MAGI3: variants seen among roughly 807,000 people sequenced by gnomAD.
MAGI3 encodes the protein membrane-associated guanylate kinase, WW and PDZ domain-containing protein 3.
MAGI3 carries 43 observed loss-of-function variants against 121.8 expected under a neutral mutation model. That is an observed-to-expected ratio of 0.35 (90% confidence interval 0.28 to 0.46). The LOEUF is 0.46. MAGI3 is among the 20% of genes least tolerant of loss of function. The pLI is 1.00. For synonymous variants in MAGI3, 553 were observed against 639.3 expected (o/e 0.86, Z 2.04); for missense variants, 1,547 against 1,797.3 (o/e 0.86, Z 2.52).
chr1:113,683,720 A>G lies in MAGI3; in HGVS notation c.4152A>G (p.Lys1384=), dbSNP rs754312299. ...TTSKEVSENE[K]GKKVTTGETS... is the part of the protein sequence containing the mutation. ...GTAAAGAAGTATCTGAAAATGAAAA[A>G]GGAAAGAAAGTAACCACAGGAGAAA... is the stretch of plus-strand genomic sequence containing the variant. The change falls in exon 21 of 21, where the codon AAA becomes AAG. Residue 1384 remains lysine, a synonymous_variant. Transcript: ENST00000307546. 5.0e-6 allele frequency: 8 copies of G among 1,597,820 alleles called. 1 individual carries two copies. In the East Asian group the frequency reaches 6.7e-5, roughly 13 times the overall value.
In MAGI3 at chr1:113,685,826, T is replaced by C. The variant is rs1648517908; in HGVS notation, c.*1812T>C. ...TGGATGTACTGGTTGTAAATGTTTATATATTGTACAGTACCTTTATATATA... is the reference window on the plus strand; with the variant it reads ...TGGATGTACTGGTTGTAAATGTTTACATATTGTACAGTACCTTTATATATA... On this transcript the variant is annotated 3_prime_UTR_variant, in exon 21 of 21. Transcript: ENST00000307546. 1 of 152,366 alleles carries C rather than the reference T, an allele frequency of 6.6e-6. No homozygotes were observed. 9.4% of individuals were successfully genotyped at this position (152,366 alleles called of 1,614,324 possible).
intron 1 of MAGI3, among the ~76,000 whole-genome samples, chr1:113,418,980 G>T (rs2101373964): frequency 6.6e-6 from 1 of 152,010 alleles, no homozygotes; most frequent in South Asian, 2.1e-4. Flanking sequence ...TTGTTTTCCT[G>T]GAAGAAATTA....
intron 15 of MAGI3, among the ~76,000 whole-genome samples, chr1:113,657,086 G>T (rs1454023964): frequency 6.6e-6 from 1 of 152,188 alleles, no homozygotes; most frequent in African/African-American, 2.4e-5. Context: ...TGTTTTAAGA[G>T]CACTAAAGTG....
intron 1 of MAGI3, among the ~76,000 whole-genome samples, chr1:113,439,166 A>G (rs1466101480): frequency 6.6e-6 from 1 of 152,224 alleles, no homozygotes; most frequent in Non-Finnish European, 1.5e-5. Context: ...CATGCCAGAC[A>G]AAGGGATAAT....
Position 113,594,576 on chromosome 1 carries a change from C to A in MAGI3, c.1018+16C>A, listed in dbSNP as rs760340200. 8 of 1,592,962 alleles carry A rather than the reference C, an allele frequency of 5.0e-6. No individual in the cohort carries two copies. The highest frequency in any genetic ancestry group is 1.3e-5 in the African/African-American group (1 of 74,112). ...GAAGATGGAGGTAGAGATTCAGAAACTTACTCTATCATACTTATTCTCTTA... is the reference window on the plus strand; with the variant it reads ...GAAGATGGAGGTAGAGATTCAGAAAATTACTCTATCATACTTATTCTCTTA... On this transcript the variant is annotated intron_variant, in intron 6 of 20. Coordinates refer to ENST00000307546, the MANE Select transcript of MAGI3 (RefSeq NM_001142782.2).
intron 2 of MAGI3, among the ~76,000 whole-genome samples, chr1:113,563,554 G>T (rs1660323868): frequency 6.6e-6 from 1 of 152,154 alleles, no homozygotes. Context: ...ACACCTGCAG[G>T]AGACTTCCTT....
chr1:113,673,301 CT>C lies in MAGI3; in HGVS notation c.3046-19del. 2 of 1,604,866 alleles carry C rather than the reference CT, an allele frequency of 1.2e-6. No individual in the cohort carries two copies. The highest frequency in any genetic ancestry group is 1.7e-6 in the Non-Finnish European group (2 of 1,178,036). On this transcript the variant is annotated intron_variant, in intron 18 of 20. Transcript: ENST00000307546. Reference sequence around the variant, plus strand: ...AAACAGTCCATGAGAACTTGCTTTTCTTATACTTCTTTCTCTCTAGAACCTT... The same window carrying C: ...AAACAGTCCATGAGAACTTGCTTTTCTATACTTCTTTCTCTCTAGAACCTT...
At chr1:113,679,855 G>A (rs554196861) in intron 19 of MAGI3, among the ~76,000 whole-genome samples, 30 of 152,008 alleles carry the variant, frequency 2.0e-4, no homozygotes, top group Non-Finnish European at 3.2e-4. Flanking sequence ...ACAGGCATGC[G>A]CCACCACACC....
chr1:113,539,805 T>C (rs78751471), intron 1 of MAGI3, among the ~76,000 whole-genome samples: 1 of 152,056 alleles, frequency 6.6e-6, no homozygotes, highest in African/African-American at 2.4e-5. Flanking sequence ...TTTTTTTTTT[T>C]TGAGATAGGA....
At chr1:113,525,178 A>G (rs1658394722) in intron 1 of MAGI3, among the ~76,000 whole-genome samples, 2 of 152,222 alleles carry the variant, frequency 1.3e-5, no homozygotes, top group East Asian at 1.9e-4. Flanking sequence ...TATCAGCAAC[A>G]TGAAAACGGA....
intron 9 of MAGI3, among the ~76,000 whole-genome samples, chr1:113,630,130 A>G (rs897035139): frequency 2.0e-5 from 3 of 152,036 alleles, no homozygotes; most frequent in African/African-American, 7.2e-5. Flanking sequence ...CTGGTATTCT[A>G]TTCTATTCTG....
Position 113,683,529 on chromosome 1 carries a change from G to T in MAGI3, c.3961G>T (p.Gly1321Cys). ...GAGTCGAAGAATAGCAGGCTATACG[G>T]GCAGTAATGCTGAGCAGATCCCAGA... ...GKSRRIAGYTGSNAEQIPDGK... is the reference protein window; with the variant it reads ...GKSRRIAGYTCSNAEQIPDGK... The change falls in exon 21 of 21, where the codon GGC (glycine) becomes TGC (cysteine). Residue 1321 changes from glycine to cysteine, a missense_variant. By Grantham distance (159) the Gly-to-Cys change is radical. Transcript: ENST00000307546. The T allele has an allele frequency of 6.2e-7, 1 of 1,613,918 alleles. No homozygotes were observed. The highest frequency in any genetic ancestry group is 8.5e-7 in the Non-Finnish European group (1 of 1,179,890).
At chr1:113,569,223 G>A (rs951206396) in intron 2 of MAGI3, among the ~76,000 whole-genome samples, 19 of 152,110 alleles carry the variant, frequency 1.2e-4, no homozygotes, top group Admixed American at 1.2e-3. Context: ...GAATATGGCA[G>A]TGTATATGAT....
At chr1:113,672,245 G>A (rs1647602853) in intron 17 of MAGI3, among the ~76,000 whole-genome samples, 1 of 152,190 alleles carries the variant, frequency 6.6e-6, no homozygotes, top group Admixed American at 6.5e-5. Context: ...GAAAATATTA[G>A]CCTAGATTTC....
Position 113,649,230 on chromosome 1 carries a change from T to C in MAGI3, c.2156-7T>C. 1 of 1,601,360 alleles carries C rather than the reference T, an allele frequency of 6.2e-7. No individual in the cohort carries two copies. The highest frequency in any genetic ancestry group is 8.5e-7 in the Non-Finnish European group (1 of 1,175,420). On this transcript the variant is annotated splice_polypyrimidine_tract_variant and splice_region_variant and intron_variant, in intron 12 of 20. Transcript: ENST00000307546. ...TCATAGTATTTATATTTTCTGATTT[T>C]CCTCAGCACCAAACACCAAAGATTT...
chr1:113,627,744 T>C (rs531582276), intron 9 of MAGI3, among the ~76,000 whole-genome samples: 7 of 151,884 alleles, frequency 4.6e-5, no homozygotes, highest in Non-Finnish European at 7.4e-5. Flanking sequence ...ATCCTCTTGC[T>C]GAATTGACCC....
chr1:113,405,825 A>T (rs1354390639), intron 1 of MAGI3, among the ~76,000 whole-genome samples: 1 of 152,048 alleles, frequency 6.6e-6, no homozygotes, highest in Non-Finnish European at 1.5e-5. Flanking sequence ...GAAAAAACTG[A>T]CCTTGTATAG....
chr1:113,464,851 C>T (rs886654178), intron 1 of MAGI3, among the ~76,000 whole-genome samples: 2 of 151,998 alleles, frequency 1.3e-5, no homozygotes, highest in African/African-American at 4.8e-5. Context: ...GATTCTTTGG[C>T]TTTTTGCTGT....
intron 2 of MAGI3, chr1:113,576,773 G>A (rs1210544108): frequency 6.6e-6 from 1 of 152,096 alleles, no homozygotes; most frequent in Non-Finnish European, 1.5e-5. Flanking sequence ...TGAAGTGAAG[G>A]GTAAAATCTT....
Sources: allele counts gnomAD v4.1 joint callset (sites outside exome capture counted in the v4.1 genomes callset), GRCh38; gene constraint gnomAD v4.1.1; transcripts MANE v1.5; gene names NCBI Gene and HGNC (gene_info 2026-07-23, HGNC 2026-07-21).